STIL: variants seen among roughly 807,000 people sequenced by gnomAD.
STIL encodes STIL centriolar assembly protein.
In STIL, 55 loss-of-function variants were observed where a neutral mutation model predicts 110.1. The observed-to-expected ratio is 0.50, with a 90% CI of 0.40 to 0.63. STIL has a LOEUF of 0.63. Ranked by LOEUF, STIL falls within the 20% of genes least tolerant of loss-of-function variation. The probability of loss-of-function intolerance (pLI) is 0.00; values close to 1 mark genes in which losing one functional copy is unlikely to be tolerated. For missense variants in STIL, 1,358 were observed against 1,530.0 expected (o/e 0.89, Z 1.87); for synonymous variants, 481 against 530.0 (o/e 0.91, Z 1.27).
intron 14 of STIL, among the ~76,000 whole-genome samples, chr1:47,267,466 A>G (rs1308989726): frequency 6.6e-6 from 1 of 151,966 alleles, no homozygotes; most frequent in Non-Finnish European, 1.5e-5. Context: ...ACAATTTGAA[A>G]GGCCGAGGCA....
intron 14 of STIL, among the ~76,000 whole-genome samples, chr1:47,265,260 A>AAAAAAAAAAAAAAC (rs1553170532): frequency 4.7e-5 from 7 of 148,424 alleles, no homozygotes; most frequent in East Asian, 2.0e-4. Context: ...AAAAAAAAAA[A>AAAAAAAAAAAAAAC]CACAAGATTG....
chr1:47,252,053 C>A, intron 16 of STIL, 131 bp from the exon 17 acceptor site: 1 of 923,466 alleles, frequency 1.1e-6, no homozygotes, highest in Non-Finnish European at 1.6e-6. Context: ...TCTAACTACT[C>A]AGACATCTAA....
intron 10 of STIL, among the ~76,000 whole-genome samples, chr1:47,285,216 G>A (rs1345500153): frequency 1.3e-5 from 2 of 151,922 alleles, no homozygotes; most frequent in Admixed American, 1.3e-4. Context: ...TGTTTTTGTA[G>A]AGGCAGGGTT....
At chr1:47,307,762 C>A (rs1282331367) in intron 2 of STIL, among the ~76,000 whole-genome samples, 5 of 152,216 alleles carry the variant, frequency 3.3e-5, no homozygotes, top group Admixed American at 6.5e-5. Context: ...TATTTCTCTT[C>A]TTTCAAAAGC....
At position 47,269,687 on chromosome 1, in the gene STIL, C is replaced by T. The variant is rs779211947; in HGVS notation, c.2563G>A (p.Glu855Lys). 5 of 1,614,030 alleles carry T rather than the reference C, an allele frequency of 3.1e-6. No individual in the cohort carries two copies. Among genetic ancestry groups the T allele is most frequent in the Admixed American group, 1.7e-5 (1 of 59,994 alleles). ...TCTTCTTCCACAGCAATGTTGCTCT[C>T]TTCAAAACTGGGAATATCAACTGCT... is the stretch of plus-strand genomic sequence containing the variant. Reference protein sequence around the residue: ...LKAVDIPSFEESNIAVEEEFN... With the variant: ...LKAVDIPSFEKSNIAVEEEFN... Residue 855 changes from glutamate to lysine, a missense_variant, in exon 14 of 17, where the codon GAG becomes AAG. By Grantham distance (56) the Glu-to-Lys change is moderately conservative. Coordinates refer to ENST00000371877, the MANE Select transcript of STIL (RefSeq NM_001048166.1).
chr1:47,278,177 A>G (rs1645044019), intron 12 of STIL, among the ~76,000 whole-genome samples: 1 of 152,196 alleles, frequency 6.6e-6, no homozygotes, highest in South Asian at 2.1e-4. Flanking sequence ...CAAATATAGG[A>G]ATGTTCACTG....
intron 8 of STIL, among the ~76,000 whole-genome samples, chr1:47,291,662 T>G (rs1269271110): frequency 6.6e-6 from 1 of 152,110 alleles, no homozygotes; most frequent in Non-Finnish European, 1.5e-5. Context: ...GCCTCCTGGG[T>G]GCAAGTGATT....
intron 11 of STIL, 119 bp from the exon 12 acceptor site, chr1:47,281,328 C>T: frequency 2.8e-6 from 3 of 1,059,352 alleles, no homozygotes; most frequent in Non-Finnish European, 4.0e-6. Flanking sequence ...AGTGTTCATT[C>T]TTTATTTAGA....
intron 12 of STIL, among the ~76,000 whole-genome samples, chr1:47,279,691 T>C (rs1378353336): frequency 1.5e-5 from 2 of 136,336 alleles, no homozygotes; most frequent in African/African-American, 3.0e-5. Flanking sequence ...ATCATGCCCC[T>C]GCACTCCAGC....
chr1:47,256,732 C>T (rs1644340929), intron 16 of STIL, among the ~76,000 whole-genome samples: 2 of 150,144 alleles, frequency 1.3e-5, no homozygotes, highest in Non-Finnish European at 3.0e-5. Context: ...CGGTGGCTCA[C>T]GCCTGTAATC....
chr1:47,309,053 A>G (rs1217076209), intron 2 of STIL, among the ~76,000 whole-genome samples: 1 of 143,790 alleles, frequency 7.0e-6, no homozygotes, highest in Non-Finnish European at 1.5e-5. Flanking sequence ...CTCTGTCTCC[A>G]AAAAAAAAAA....
chr1:47,277,083 T>C (rs1645016087), intron 12 of STIL, among the ~76,000 whole-genome samples: 1 of 152,126 alleles, frequency 6.6e-6, no homozygotes, highest in Non-Finnish European at 1.5e-5. Context: ...GTGATGAATG[T>C]GAGCTCCTTC....
intron 14 of STIL, among the ~76,000 whole-genome samples, chr1:47,265,409 C>T (rs966042195): frequency 5.3e-5 from 8 of 152,026 alleles, no homozygotes; most frequent in African/African-American, 1.9e-4. Flanking sequence ...TCTAAATAAA[C>T]TGCAGACCTA....
chr1:47,255,740 G>C (rs1644311033), intron 16 of STIL, among the ~76,000 whole-genome samples: 1 of 152,168 alleles, frequency 6.6e-6, no homozygotes, highest in African/African-American at 2.4e-5. Context: ...GGAATATGTA[G>C]AGGTTGCTTC....
At position 47,261,467 on chromosome 1, in the gene STIL, G is replaced by A. The variant is rs555535863; in HGVS notation, c.2830-928C>T. ...ATTTAAAAATCATTTGAGTACAGGC[G>A]TGTGGCTCAAACCTGTAATCCCAGC... On this transcript the variant is annotated intron_variant, in intron 15 of 16. Coordinates refer to ENST00000371877, the MANE Select transcript of STIL (RefSeq NM_001048166.1). Among the ~76,000 whole-genome samples, 7 of 146,500 alleles carry A rather than the reference G, an allele frequency of 4.8e-5. No homozygotes were observed. The East Asian group carries it at 1.5e-3, about 31-fold the overall frequency.
intron 1 of STIL, 81 bp from the exon 2 acceptor site, chr1:47,310,443 A>G (rs1646090048): frequency 3.7e-6 from 3 of 816,882 alleles, no homozygotes; most frequent in African/African-American, 1.7e-5. Flanking sequence ...TTAAAATTAC[A>G]GGCAAAATTA....
At chr1:47,287,321 C>T (rs1475968852) in intron 10 of STIL, among the ~76,000 whole-genome samples, 1 of 152,054 alleles carries the variant, frequency 6.6e-6, no homozygotes, top group Non-Finnish European at 1.5e-5. Context: ...TGTATTTTTC[C>T]TGTATAATAC....
intron 1 of STIL, among the ~76,000 whole-genome samples, chr1:47,313,341 TA>T (rs953743130): frequency 5.3e-3 from 38 of 7,198 alleles, no homozygotes; most frequent in Non-Finnish European, 0.025. Context: ...AACATAAAAA[TA>T]AATTTTTTTT....
At chr1:47,264,527 TACATACC>T (rs1208907752) in intron 14 of STIL, among the ~76,000 whole-genome samples, 1 of 152,190 alleles carries the variant, frequency 6.6e-6, no homozygotes, top group Non-Finnish European at 1.5e-5. Flanking sequence ...CTATAAATAC[TACATACC>T]ACTACTCACT....
Sources: gnomAD v4.1 joint callset for allele counts (sites outside exome capture counted in the v4.1 genomes callset) on GRCh38, gnomAD v4.1.1 for gene constraint, MANE v1.5 for transcripts, NCBI Gene and HGNC (gene_info 2026-07-23, HGNC 2026-07-21) for gene names.